Variants in SAMD12 observed in about 807,000 individuals in gnomAD.
SAMD12 encodes the protein sterile alpha motif domain-containing protein 12.
Under a neutral mutation model 15.0 loss-of-function variants are expected in SAMD12, and 9 were observed. That is an observed-to-expected ratio of 0.60 (90% CI 0.36 to 1.05). SAMD12 has a LOEUF of 1.05. Among genes scored for constraint, SAMD12 ranks in the 50% least tolerant of loss-of-function variants. The pLI, the probability that SAMD12 is intolerant of heterozygous loss-of-function variation, is 0.01. For missense variants in SAMD12, 230 were observed against 234.2 expected, an observed-to-expected ratio of 0.98 and a Z score of 0.12; for synonymous variants, 86 against 90.1, an observed-to-expected ratio of 0.96 and a Z score of 0.25.
At chr8:118,364,289 G>A (rs564528626) in intron 4 of SAMD12, among the ~76,000 whole-genome samples, 1 of 152,316 alleles carries the variant, frequency 6.6e-6, no homozygotes, top group Non-Finnish European at 1.5e-5. Context: ...GAAATAGGAG[G>A]TGGAATTTCA....
At chr8:118,536,437 TACACAAACACACAC>T (rs1362501595) in intron 2 of SAMD12, among the ~76,000 whole-genome samples, 3 of 128,172 alleles carry the variant, frequency 2.3e-5, no homozygotes, top group Admixed American at 1.5e-4. Context: ...TGTAGACTGA[TACACAAACACACAC>T]ACACACACAC....
At chr8:118,169,449 G>A in the SAMD12 span, among the ~76,000 whole-genome samples, 1 of 152,164 alleles carries the variant, frequency 6.6e-6, no homozygotes, top group South Asian at 2.1e-4. Flanking sequence ...TTTCCCTACA[G>A]ATGCAATTGT....
chr8:118,303,706 T>C (rs535474646), intron 4 of SAMD12, among the ~76,000 whole-genome samples: 2 of 152,246 alleles, frequency 1.3e-5, no homozygotes, highest in South Asian at 2.1e-4. Flanking sequence ...GAAATTAACA[T>C]GGCGTTTTGT....
intron 1 of SAMD12, among the ~76,000 whole-genome samples, chr8:118,585,110 C>T (rs958552829): frequency 1.3e-5 from 2 of 152,090 alleles, no homozygotes; most frequent in Non-Finnish European, 2.9e-5. Flanking sequence ...AAATATTTTG[C>T]GCCTATAAAA....
intron 4 of SAMD12, among the ~76,000 whole-genome samples, chr8:118,269,932 A>G (rs1813307214): frequency 6.6e-6 from 1 of 152,180 alleles, no homozygotes; most frequent in Non-Finnish European, 1.5e-5. Context: ...TACTATAGTC[A>G]TATCTCATCT....
intron 1 of SAMD12, among the ~76,000 whole-genome samples, chr8:118,614,833 AG>A (rs895445103): frequency 1.3e-5 from 2 of 152,230 alleles, no homozygotes; most frequent in Non-Finnish European, 2.9e-5. Context: ...CCCACACTTT[AG>A]AAAAATCAGA....
intron 4 of SAMD12, chr8:118,284,869 G>A (rs1466953659): frequency 6.6e-6 from 1 of 150,542 alleles, no homozygotes; most frequent in East Asian, 2.0e-4. Context: ...GTGTACCCAG[G>A]AGGCGGAGCT....
At chr8:118,321,920 A>G (rs1369722732) in intron 4 of SAMD12, among the ~76,000 whole-genome samples, 2 of 152,096 alleles carry the variant, frequency 1.3e-5, no homozygotes, top group Non-Finnish European at 2.9e-5. Context: ...CTTTCTACTC[A>G]CTCAATACCC....
At chr8:118,182,587 G>A in the SAMD12 span, among the ~76,000 whole-genome samples, 10 of 152,122 alleles carry the variant, frequency 6.6e-5, no homozygotes, top group South Asian at 1.2e-3. Flanking sequence ...CGACTACTTC[G>A]TGGAAATAAA....
rs142121955 is a variant in SAMD12, at chr8:118,354,925, C to A, written c.433+24635G>T. On this transcript the variant is annotated intron_variant, in intron 4 of 4. Transcript: ENST00000409003. Reference sequence around the variant, plus strand: ...GTAAAAATACTGACTTGGATAATAACCATAAATATTTCTCAGCAGAACATT... The same window carrying A: ...GTAAAAATACTGACTTGGATAATAAACATAAATATTTCTCAGCAGAACATT... Among the ~76,000 whole-genome samples the A allele has an allele frequency of 3.9e-3, 601 of 152,274 alleles. 4 individuals carry two copies. Among genetic ancestry groups the A allele is most frequent in the African/African-American group, 0.013 (522 of 41,552 alleles).
chr8:118,599,867 C>T (rs978329637), intron 1 of SAMD12, among the ~76,000 whole-genome samples: 1 of 152,154 alleles, frequency 6.6e-6, no homozygotes, highest in African/African-American at 2.4e-5. Flanking sequence ...ATGAAAGTCT[C>T]CATGTGAGCA....
chr8:118,250,752 G>A (rs534721387), intron 4 of SAMD12, among the ~76,000 whole-genome samples: 2 of 151,856 alleles, frequency 1.3e-5, no homozygotes, highest in African/African-American at 2.4e-5. Context: ...TAATCCGCCC[G>A]CTTCAGCCTC....
At chr8:118,302,707 T>G (rs566891728) in intron 4 of SAMD12, among the ~76,000 whole-genome samples, 94 of 152,246 alleles carry the variant, frequency 6.2e-4, no homozygotes, top group Admixed American at 2.3e-3. Context: ...TCTATTTAAT[T>G]TTGGGGGGAG....
intron 4 of SAMD12, among the ~76,000 whole-genome samples, chr8:118,368,039 T>C (rs1173450600): frequency 6.6e-6 from 1 of 152,200 alleles, no homozygotes; most frequent in Non-Finnish European, 1.5e-5. Context: ...CATATGATTT[T>C]AATAATTCCC....
chr8:118,436,978 G>T lies in SAMD12; in HGVS notation c.322+2854C>A, dbSNP rs16891010. 4.5e-3 allele frequency among the ~76,000 whole-genome samples: 688 copies of T among 152,294 alleles called. 2 individuals carry two copies. The highest frequency in any genetic ancestry group is 0.016 in the African/African-American group (652 of 41,552). On this transcript the variant is annotated intron_variant, in intron 3 of 3. Transcript: ENST00000314727. ...TACAAAATCACAAGGTTGCGATGCA[G>T]CTCTGGGCTGTGACCTGGTACTTGT...
chr8:118,214,852 A>T (rs1186044918), intron 4 of SAMD12, among the ~76,000 whole-genome samples: 1 of 152,208 alleles, frequency 6.6e-6, no homozygotes, highest in Non-Finnish European at 1.5e-5. Context: ...CTTAGAGCGC[A>T]TGGATGTAAT....
intron 4 of SAMD12, among the ~76,000 whole-genome samples, chr8:118,215,621 C>G (rs193193207): frequency 0.031 from 4,673 of 151,826 alleles, 213 homozygotes; most frequent in African/African-American, 0.095. Flanking sequence ...CCTCTCCCCC[C>G]ACCCCACCAC....
At chr8:118,151,754 C>T in the SAMD12 span, among the ~76,000 whole-genome samples, 2 of 150,422 alleles carry the variant, frequency 1.3e-5, no homozygotes, top group East Asian at 2.0e-4. Flanking sequence ...GGCATGAACC[C>T]GGGAAGCAGA....
intron 4 of SAMD12, among the ~76,000 whole-genome samples, chr8:118,285,290 T>C (rs1364530763): frequency 1.3e-5 from 2 of 152,188 alleles, no homozygotes; most frequent in African/African-American, 2.4e-5. Flanking sequence ...TGAAATCAAC[T>C]TTCCGTGAGA....
Sources: allele counts gnomAD v4.1 joint callset (sites outside exome capture counted in the v4.1 genomes callset), GRCh38; gene constraint gnomAD v4.1.1; transcripts MANE v1.5; gene names NCBI Gene and HGNC (gene_info 2026-07-23, HGNC 2026-07-21).